Variants in DNAH9 observed in about 807,000 individuals in gnomAD.
DNAH9 encodes dynein axonemal heavy chain 9, also known as DNAH9 variant protein.
Under a neutral mutation model 471.6 loss-of-function variants are expected in DNAH9, and 345 were observed. The observed-to-expected ratio is 0.73, with a 90% CI of 0.67 to 0.80. The LOEUF is 0.80. Among genes scored for constraint, DNAH9 ranks in the 30% least tolerant of loss-of-function variants. DNAH9 has a pLI of 0.00. For synonymous variants in DNAH9, 2,093 were observed against 2,123.6 expected (o/e 0.99, Z 0.40); for missense variants, 5,407 against 5,609.2 (o/e 0.96, Z 1.15).
intron 14 of DNAH9, among the ~76,000 whole-genome samples, chr17:11,655,889 T>TAC (rs1029368205): frequency 5.6e-4 from 85 of 151,174 alleles, no homozygotes; most frequent in South Asian, 1.3e-3. Context: ...TATATATATA[T>TAC]ACATATATAT....
intron 35 of DNAH9, among the ~76,000 whole-genome samples, chr17:11,759,078 T>C (rs1421406556): frequency 2.4e-5 from 2 of 82,630 alleles, no homozygotes; most frequent in African/African-American, 3.7e-5. Context: ...AAATAGTCTA[T>C]CCCTGTTCTT....
intron 27 of DNAH9, among the ~76,000 whole-genome samples, chr17:11,725,526 C>T (rs961121890): frequency 2.0e-5 from 3 of 151,756 alleles, no homozygotes; most frequent in African/African-American, 7.3e-5. Flanking sequence ...TCTCTTAATT[C>T]CAGAAGCTCA....
rs1336305835 is a variant in DNAH9, at chr17:11,619,401, A to G, written c.1117-147A>G. 6.3e-6 allele frequency: 4 copies of G among 638,372 alleles called. No individual in the cohort carries two copies. In the Admixed American group the frequency reaches 1.1e-4, roughly 17 times the overall value. The allele number at this position is 638,372 out of a possible 1,614,324, so 39.5% of individuals were successfully genotyped here. A position where few individuals can be genotyped will look rare whatever the true frequency, so the allele number is the denominator to read the frequency against. On this transcript the variant is annotated intron_variant, in intron 5 of 68. Coordinates refer to ENST00000262442, the MANE Select transcript of DNAH9 (RefSeq NM_001372.4). Reference sequence around the variant, plus strand: ...TTGGCCGAAACCCAGGTCGCAGTCCACATGTGGAATGGAAAGCGAGGTCAG... The same window carrying G: ...TTGGCCGAAACCCAGGTCGCAGTCCGCATGTGGAATGGAAAGCGAGGTCAG...
chr17:11,747,730 G>A lies in DNAH9; in HGVS notation c.6574G>A (p.Gly2192Ser), dbSNP rs1036131570. 3 of 1,613,956 alleles carry A rather than the reference G, an allele frequency of 1.9e-6. No individual in the cohort carries two copies. In the African/African-American group the frequency reaches 4.0e-5, roughly 22 times the overall value. Residue 2192 changes from glycine (G) to serine (S), a missense_variant, in exon 32 of 69, where the codon GGC becomes AGC. Coordinates refer to ENST00000262442, the MANE Select transcript of DNAH9 (RefSeq NM_001372.4). ...PKAVTNDELF[G>S]IINPATGEWK... Reference sequence around the variant, plus strand: ...AGCAGTCACAAATGATGAGCTCTTTGGCATCATCAATCCAGCCACAGGAGA... The same window carrying A: ...AGCAGTCACAAATGATGAGCTCTTTAGCATCATCAATCCAGCCACAGGAGA...
intron 23 of DNAH9, among the ~76,000 whole-genome samples, chr17:11,700,858 G>A (rs2074580461): frequency 6.6e-6 from 1 of 152,114 alleles, no homozygotes; most frequent in Non-Finnish European, 1.5e-5. Context: ...CTGGGTGACA[G>A]CCCCCACCCC....
intron 48 of DNAH9, among the ~76,000 whole-genome samples, chr17:11,826,455 G>GT (rs36037678): frequency 0.027 from 2,125 of 78,750 alleles, 59 homozygotes; most frequent in East Asian, 0.14. Flanking sequence ...CTTTTTCTTG[G>GT]TTTTTTTTTT....
chr17:11,835,916 A>C (rs1970836680), intron 49 of DNAH9, among the ~76,000 whole-genome samples: 1 of 152,188 alleles, frequency 6.6e-6, no homozygotes, highest in Admixed American at 6.5e-5. Flanking sequence ...CCCATGCCGA[A>C]TACTCTGCCC....
At chr17:11,905,852 A>G (rs2151015782) in intron 61 of DNAH9, 43 bp downstream of exon 61, 1 of 1,555,772 alleles carries the variant, frequency 6.4e-7, no homozygotes, top group South Asian at 1.2e-5. Flanking sequence ...CATTTGCCCC[A>G]TGCACTTTCA....
intron 1 of DNAH9, among the ~76,000 whole-genome samples, chr17:11,607,510 G>C (rs113298937): frequency 7.0e-4 from 107 of 152,286 alleles, no homozygotes; most frequent in African/African-American, 2.5e-3. Context: ...ACTGAAGTCT[G>C]CTTCTCAGGG....
At chr17:11,946,663 C>CAAAA (rs754149437) in intron 67 of DNAH9, among the ~76,000 whole-genome samples, 5 of 67,912 alleles carry the variant, frequency 7.4e-5, no homozygotes, top group East Asian at 5.0e-4. Context: ...GACTCCATCT[C>CAAAA]AAAAAAAAAA....
At chr17:11,766,790 C>G (rs762000294) in intron 36 of DNAH9, among the ~76,000 whole-genome samples, 1 of 152,010 alleles carries the variant, frequency 6.6e-6, no homozygotes, top group East Asian at 1.9e-4. Flanking sequence ...TGGTGAAACC[C>G]CATCTCTACT....
intron 50 of DNAH9, among the ~76,000 whole-genome samples, chr17:11,865,935 A>G (rs1488969416): frequency 6.6e-6 from 1 of 152,072 alleles, no homozygotes; most frequent in Non-Finnish European, 1.5e-5. Context: ...ATTTGTTTCA[A>G]AGTTTTTAAC....
chr17:11,761,026 A>T (rs1233736149), intron 35 of DNAH9, among the ~76,000 whole-genome samples: 1 of 152,246 alleles, frequency 6.6e-6, no homozygotes, highest in Non-Finnish European at 1.5e-5. Context: ...TTATTGAATA[A>T]GCAGGCCCAT....
intron 6 of DNAH9, among the ~76,000 whole-genome samples, chr17:11,627,376 G>T (rs2072988500): frequency 6.6e-6 from 1 of 152,286 alleles, no homozygotes; most frequent in East Asian, 1.9e-4. Flanking sequence ...GGTTTCTGAT[G>T]TAATCAAACA....
chr17:11,772,019 A>G (rs970723790), intron 38 of DNAH9, among the ~76,000 whole-genome samples: 17 of 152,118 alleles, frequency 1.1e-4, no homozygotes, highest in Admixed American at 3.3e-4. Context: ...CCAAGGTTTG[A>G]CCCCAGAGAG....
chr17:11,892,283 G>T lies in DNAH9; in HGVS notation c.11283+336G>T, dbSNP rs1198296054. 6.6e-6 allele frequency among the ~76,000 whole-genome samples: 1 copy of T among 152,130 alleles called. No homozygotes were observed. The highest frequency in any genetic ancestry group is 1.5e-5 in the Non-Finnish European group (1 of 68,036). On this transcript the variant is annotated intron_variant, in intron 58 of 68. Transcript: ENST00000262442. The surrounding 1 kb of genome is among the most constrained non-coding windows in gnomAD (Gnocchi z 4.3). ...CTAGATGAAACCATACCAATAACCA[G>T]ACGCTTTTTGAAATGCTGTAAGAAA...
At chr17:11,670,533 A>G (rs956066664) in intron 17 of DNAH9, among the ~76,000 whole-genome samples, 6 of 152,012 alleles carry the variant, frequency 3.9e-5, no homozygotes, top group African/African-American at 1.4e-4. Flanking sequence ...CCCCCTCCTC[A>G]GTTTAGTGCT....
intron 50 of DNAH9, among the ~76,000 whole-genome samples, 189 bp downstream of exon 50, chr17:11,854,617 C>CA (rs1971557976): frequency 6.6e-6 from 1 of 152,212 alleles, no homozygotes; most frequent in African/African-American, 2.4e-5. Context: ...ATAGGCCAAA[C>CA]AAGACAATTC....
chr17:11,958,729 C>G (rs1181539457), intron 67 of DNAH9, among the ~76,000 whole-genome samples: 2 of 110,632 alleles, frequency 1.8e-5, no homozygotes, highest in Admixed American at 1.8e-4. Flanking sequence ...CTAAAACTGC[C>G]CTAAAAAAAA....
Sources: gnomAD v4.1 joint callset for allele counts (sites outside exome capture counted in the v4.1 genomes callset) on GRCh38, gnomAD v4.1.1 for gene constraint, Gnocchi (gnomAD v3.1) non-coding constraint, MANE v1.5 for transcripts, NCBI Gene and HGNC (gene_info 2026-07-23, HGNC 2026-07-21) for gene names.